The following MRPS27 variants were observed in gnomAD, a reference collection of about 807,000 sequenced individuals.
MRPS27 encodes the protein mitochondrial ribosomal protein S27.
Under a neutral mutation model 48.9 loss-of-function variants are expected in MRPS27, and 43 were observed. The ratio of observed to expected loss-of-function variants is 0.88; its 90% CI spans 0.69 to 1.13. MRPS27 has a LOEUF of 1.13. Ranked by LOEUF, MRPS27 falls within the 50% of genes most tolerant of loss-of-function variation. The pLI is 0.00. For missense variants in MRPS27, 467 were observed against 476.3 expected (o/e 0.98, Z 0.18); for synonymous variants, 188 against 171.9 (o/e 1.09, Z -0.73).
chr5:72,254,493 T>TA (rs1748745031), intron 4 of MRPS27, among the ~76,000 whole-genome samples: 1 of 152,146 alleles, frequency 6.6e-6, no homozygotes, highest in South Asian at 2.1e-4. Flanking sequence ...CACTAAACAC[T>TA]AAACTAAATA....
At chr5:72,241,711 A>G (rs989058606) in intron 4 of MRPS27, 1 of 1,534,498 alleles carries the variant, frequency 6.5e-7, no homozygotes, top group Non-Finnish European at 8.7e-7. Flanking sequence ...AGGCAAAGAG[A>G]AAAGAATACA....
At chr5:72,251,460 G>A (rs1210979529) in intron 4 of MRPS27, among the ~76,000 whole-genome samples, 7 of 152,202 alleles carry the variant, frequency 4.6e-5, no homozygotes, top group African/African-American at 1.7e-4. Context: ...ATGACCTAAG[G>A]AGGAGTCAAT....
intron 1 of MRPS27, among the ~76,000 whole-genome samples, chr5:72,317,396 T>TG (rs1419944037): frequency 6.6e-6 from 1 of 152,216 alleles, no homozygotes; most frequent in Non-Finnish European, 1.5e-5. Context: ...GTTTTGGAAA[T>TG]GGAGTTTCGC....
chr5:72,256,703 T>C (rs1293136770), intron 4 of MRPS27, among the ~76,000 whole-genome samples: 1 of 152,244 alleles, frequency 6.6e-6, no homozygotes, highest in East Asian at 1.9e-4. Context: ...AATTATTCTA[T>C]GTGATCTGAT....
intron 6 of MRPS27, among the ~76,000 whole-genome samples, chr5:72,233,561 A>T (rs1320281467): frequency 1.3e-5 from 2 of 152,090 alleles, no homozygotes; most frequent in Non-Finnish European, 2.9e-5. Flanking sequence ...GGTTTTGCAC[A>T]TGTCATGGTT....
intron 4 of MRPS27, among the ~76,000 whole-genome samples, chr5:72,243,422 CAAATA>C (rs1202528208): frequency 6.6e-6 from 1 of 152,064 alleles, no homozygotes. Flanking sequence ...TCAACTACCA[CAAATA>C]AAATCAAATT....
intron 4 of MRPS27, among the ~76,000 whole-genome samples, chr5:72,287,276 C>A (rs370230185): frequency 1.2e-3 from 178 of 152,052 alleles, no homozygotes; most frequent in African/African-American, 4.1e-3. Context: ...AGGTTGGTGA[C>A]CCCTACCTTA....
intron 6 of MRPS27, among the ~76,000 whole-genome samples, 182 bp downstream of exon 6, chr5:72,233,937 C>T (rs972374428): frequency 1.3e-5 from 2 of 151,998 alleles, no homozygotes; most frequent in Non-Finnish European, 2.9e-5. Context: ...TATTTTCTAT[C>T]TTAAAATAAA....
intron 6 of MRPS27, among the ~76,000 whole-genome samples, chr5:72,233,552 G>C (rs919240315): frequency 6.6e-6 from 1 of 152,060 alleles, no homozygotes; most frequent in Non-Finnish European, 1.5e-5. Flanking sequence ...TACCCAGCTG[G>C]TTTTGCACAT....
intron 9 of MRPS27, 39 bp from the exon 10 acceptor site, chr5:72,223,889 T>C (rs982485002): frequency 5.6e-6 from 9 of 1,603,212 alleles, no homozygotes; most frequent in Non-Finnish European, 7.7e-6. Flanking sequence ...AAATGTTTTA[T>C]GGCCCAAAAG....
intron 4 of MRPS27, among the ~76,000 whole-genome samples, chr5:72,289,671 C>T (rs1749768397): frequency 6.6e-6 from 1 of 152,100 alleles, no homozygotes; most frequent in South Asian, 2.1e-4. Context: ...AATCCGTCTG[C>T]CCCAAGTGCT....
intron 4 of MRPS27, among the ~76,000 whole-genome samples, chr5:72,252,738 T>C (rs1748701384): frequency 6.6e-6 from 1 of 152,212 alleles, no homozygotes; most frequent in Non-Finnish European, 1.5e-5. Flanking sequence ...AGGAAATTCA[T>C]ATTATGAGAG....
chr5:72,220,695 A>C lies in MRPS27; in HGVS notation c.*214T>G. The C allele has an allele frequency of 1.6e-6, 1 of 623,918 alleles. No individual in the cohort carries two copies. Among genetic ancestry groups the C allele is most frequent in the Non-Finnish European group, 2.7e-6 (1 of 365,712 alleles). The allele number at this position is 623,918 out of a possible 1,614,324, so 38.6% of individuals were successfully genotyped here. On this transcript the variant is annotated 3_prime_UTR_variant, in exon 11 of 11. Coordinates refer to ENST00000261413, the MANE Select transcript of MRPS27 (RefSeq NM_015084.3). ...TCCTCCTTAAGGTATTCAGCTGGTG[A>C]CTTCAGTCTGACCACTAGCCACCTG...
chr5:72,295,933 T>C (rs1177386122), intron 3 of MRPS27, among the ~76,000 whole-genome samples: 2 of 152,152 alleles, frequency 1.3e-5, no homozygotes, highest in Admixed American at 1.3e-4. Context: ...AACCCTGATA[T>C]TATTTTCTTT....
chr5:72,242,552 C>T (rs62363249), intron 4 of MRPS27, among the ~76,000 whole-genome samples: 3,635 of 150,974 alleles, frequency 0.024, 59 homozygotes, highest in Middle Eastern at 0.065. Flanking sequence ...AAAAAAGTGG[C>T]CTAGGCACAG....
chr5:72,271,516 C>CA (rs1749241168), intron 4 of MRPS27, among the ~76,000 whole-genome samples: 1 of 152,076 alleles, frequency 6.6e-6, no homozygotes, highest in South Asian at 2.1e-4. Context: ...GAAACACTCA[C>CA]AAATGGCCTA....
chr5:72,221,969 T>TA (rs1204201300), intron 10 of MRPS27, among the ~76,000 whole-genome samples: 4 of 152,128 alleles, frequency 2.6e-5, no homozygotes, highest in Admixed American at 1.3e-4. Flanking sequence ...GAGGGCCACT[T>TA]ACGGGGCCAG....
intron 4 of MRPS27, among the ~76,000 whole-genome samples, chr5:72,250,251 T>G (rs1195414915): frequency 6.6e-6 from 1 of 152,250 alleles, no homozygotes; most frequent in African/African-American, 2.4e-5. Flanking sequence ...GAGATAATGT[T>G]GTACCCTGCT....
intron 4 of MRPS27, among the ~76,000 whole-genome samples, chr5:72,260,380 T>C (rs541789952): frequency 7.9e-5 from 12 of 152,318 alleles, no homozygotes; most frequent in Admixed American, 3.3e-4. Flanking sequence ...CATTATGTAT[T>C]TCCTAGGTTA....
Sources: allele counts gnomAD v4.1 joint callset (sites outside exome capture counted in the v4.1 genomes callset), GRCh38; gene constraint gnomAD v4.1.1; transcripts MANE v1.5; gene names NCBI Gene and HGNC (gene_info 2026-07-23, HGNC 2026-07-21).